Variants in PBRM1 observed in about 807,000 individuals in gnomAD.
The protein encoded by PBRM1 is protein polybromo-1.
PBRM1 carries 27 observed loss-of-function variants against 194.5 expected under a neutral mutation model. The observed-to-expected ratio is 0.14, with a 90% confidence interval of 0.10 to 0.19. PBRM1 has a LOEUF of 0.19. Among genes scored for constraint, PBRM1 ranks in the 10% least tolerant of loss-of-function variants. PBRM1 has a pLI of 1.00. For synonymous variants in PBRM1, 655 were observed against 693.2 expected (o/e 0.94, Z 0.87); for missense variants, 1,466 against 2,077.2 (o/e 0.71, Z 5.72).
intron 26 of PBRM1, among the ~76,000 whole-genome samples, chr3:52,556,326 A>AT (rs60961535): frequency 0.073 from 10,998 of 151,558 alleles, 947 homozygotes; most frequent in African/African-American, 0.21. Context: ...ATGAGTTTTC[A>AT]TTTTTTTTTA....
At chr3:52,583,111 A>C (rs2091679164) in intron 20 of PBRM1, among the ~76,000 whole-genome samples, 1 of 146,212 alleles carries the variant, frequency 6.8e-6, no homozygotes, top group Non-Finnish European at 1.5e-5. Context: ...AAAAAAAAAA[A>C]AAAAAAAAAC....
At chr3:52,656,580 G>A (rs771534898) in intron 5 of PBRM1, among the ~76,000 whole-genome samples, 4 of 152,190 alleles carry the variant, frequency 2.6e-5, no homozygotes, top group Admixed American at 1.3e-4. Context: ...CAGGACAATC[G>A]CTTGAACTCG....
At chr3:52,677,842 C>T (rs568324921) in intron 2 of PBRM1, among the ~76,000 whole-genome samples, 14 of 152,176 alleles carry the variant, frequency 9.2e-5, no homozygotes, top group African/African-American at 1.4e-4. Context: ...GGATTACAGG[C>T]GTGAGCCACT....
intron 16 of PBRM1, among the ~76,000 whole-genome samples, chr3:52,604,846 C>T (rs1481692082): frequency 6.6e-6 from 1 of 152,008 alleles, no homozygotes; most frequent in African/African-American, 2.4e-5. Context: ...CTCAGCTACT[C>T]AGGAGGCTGA....
chr3:52,554,988 C>T, intron 26 of PBRM1, 109 bp from the exon 29 acceptor site: 1 of 777,764 alleles, frequency 1.3e-6, no homozygotes, highest in Non-Finnish European at 2.1e-6. Context: ...ACCCTTAGTA[C>T]TGCATGATAT....
chr3:52,548,131 G>A (rs1436814738), exon 30 of PBRM1: 3 of 1,610,610 alleles, frequency 1.9e-6, no homozygotes, highest in Non-Finnish European at 1.7e-6. Flanking sequence ...TCTCGAAGGC[G>A]CCAGAGGGCA....
intron 20 of PBRM1, among the ~76,000 whole-genome samples, chr3:52,580,538 A>G (rs1280192533): frequency 1.3e-5 from 2 of 151,048 alleles, no homozygotes; most frequent in African/African-American, 4.9e-5. Flanking sequence ...TTTTTTTTGT[A>G]TTTTTAGTAG....
chr3:52,565,576 GAA>G (rs1259939661), intron 22 of PBRM1, among the ~76,000 whole-genome samples: 1 of 150,864 alleles, frequency 6.6e-6, no homozygotes, highest in East Asian at 1.9e-4. Flanking sequence ...TCAAGAAAGT[GAA>G]AAGATAAGCC....
intron 20 of PBRM1, among the ~76,000 whole-genome samples, chr3:52,580,354 T>G (rs557127649): frequency 1.6e-4 from 25 of 152,212 alleles, no homozygotes; most frequent in South Asian, 8.3e-4. Flanking sequence ...ACATGCTTTT[T>G]TTGTTGTTGT....
chr3:52,632,686 C>CTTT (rs767428790), intron 11 of PBRM1, among the ~76,000 whole-genome samples: 4 of 138,640 alleles, frequency 2.9e-5, no homozygotes, highest in Admixed American at 7.3e-5. Flanking sequence ...CCACCTTGAC[C>CTTT]TTTTTTTTTT....
At chr3:52,561,647 A>G (rs2083564467) in intron 25 of PBRM1, 120 bp downstream of exon 27, 1 of 858,882 alleles carries the variant, frequency 1.2e-6, no homozygotes, top group African/African-American at 1.6e-5. Context: ...CATTTGGAAC[A>G]GTCCCCAAAA....
At chr3:52,628,227 G>A (rs1052432609) in intron 12 of PBRM1, among the ~76,000 whole-genome samples, 1 of 151,782 alleles carries the variant, frequency 6.6e-6, no homozygotes, top group Non-Finnish European at 1.5e-5. Flanking sequence ...TCTAAATGAT[G>A]GAATATCATC....
chr3:52,676,149 AAAAT>A (rs1311812651), intron 2 of PBRM1, among the ~76,000 whole-genome samples: 476 of 28,728 alleles, frequency 0.017, 119 homozygotes, highest in Middle Eastern at 0.074. Flanking sequence ...AAAAAAAAAA[AAAAT>A]AATGAATGAA....
At chr3:52,588,299 T>C (rs1388373925) in intron 18 of PBRM1, among the ~76,000 whole-genome samples, 50 of 152,344 alleles carry the variant, frequency 3.3e-4, no homozygotes, top group Non-Finnish European at 4.4e-5. Flanking sequence ...GCATACTCCA[T>C]GTCTCAATTT....
rs913557029 is a variant in PBRM1 at position 52,647,335 on chromosome 3, G to A, written c.813+1009C>T. Reference sequence around the variant, plus strand: ...TTGCTGGTGGGAATGTAAAATGGTAGAGTTTGGAAAACAGTTTGGCGGTTC... The same window carrying A: ...TTGCTGGTGGGAATGTAAAATGGTAAAGTTTGGAAAACAGTTTGGCGGTTC... On this transcript the variant is annotated intron_variant, in intron 7 of 29. Coordinates refer to ENST00000296302, the Ensembl canonical transcript of PBRM1. 6.2e-5 allele frequency among the ~76,000 whole-genome samples: 9 copies of A among 145,332 alleles called. No homozygotes were observed. The South Asian group carries it at 1.4e-3, about 22-fold the overall frequency.
intron 17 of PBRM1, among the ~76,000 whole-genome samples, chr3:52,595,734 A>C (rs2336145): frequency 0.33 from 50,641 of 152,056 alleles, 9,549 homozygotes; most frequent in Admixed American, 0.46. Context: ...ATTACTCAAG[A>C]AATTTTTGCC....
At chr3:52,619,985 C>G (rs867676088) in intron 13 of PBRM1, among the ~76,000 whole-genome samples, 92 of 152,308 alleles carry the variant, frequency 6.0e-4, no homozygotes, top group African/African-American at 2.0e-3. Context: ...ACAATTCCTG[C>G]CATTTTCTCC....
At chr3:52,594,209 G>A (rs1309724474) in intron 17 of PBRM1, among the ~76,000 whole-genome samples, 1 of 152,110 alleles carries the variant, frequency 6.6e-6, no homozygotes, top group African/African-American at 2.4e-5. Context: ...GTGTGGGAGT[G>A]TAAGCCTCTC....
At chr3:52,581,505 A>G (rs1315438653) in intron 20 of PBRM1, among the ~76,000 whole-genome samples, 1 of 152,004 alleles carries the variant, frequency 6.6e-6, no homozygotes, top group African/African-American at 2.4e-5. Context: ...TGTCTCAAAA[A>G]AAAAAAAAAA....
Sources: allele counts gnomAD v4.1 joint callset (sites outside exome capture counted in the v4.1 genomes callset), GRCh38; gene constraint gnomAD v4.1.1; transcripts MANE v1.5; gene names NCBI Gene and HGNC (gene_info 2026-07-23, HGNC 2026-07-21).